The following CKAP2L variants were observed in gnomAD, a reference collection of about 807,000 sequenced individuals.
CKAP2L encodes the protein cytoskeleton associated protein 2L, also known as cytoskeleton-associated protein 2-like.
In CKAP2L, 42 loss-of-function variants were observed where a neutral mutation model predicts 65.7. That is an observed-to-expected ratio of 0.64 (90% CI 0.50 to 0.83). The LOEUF is 0.83. Ranked by LOEUF, CKAP2L falls within the 40% of genes least tolerant of loss-of-function variation. CKAP2L has a pLI of 0.00. For missense variants in CKAP2L, 908 were observed against 871.0 expected, an observed-to-expected ratio of 1.04 and a Z score of -0.53; for synonymous variants, 325 against 313.5, an observed-to-expected ratio of 1.04 and a Z score of -0.39.
rs1680558091 is a variant in CKAP2L at position 112,756,883 on chromosome 2, A to G, written c.488T>C (p.Ile163Thr). ...QLTDQGNGKC[I>T]DFMNNIHVEN... ...AACATGGATATTATTCATAAAGTCT[A>G]TACATTTACCATTTCCTTGATCTGT... Residue 163 changes from isoleucine (I) to threonine (T), a missense_variant, in exon 4 of 9, where the codon ATA becomes ACA. By Grantham distance (89) the Ile-to-Thr change is moderately conservative. Transcript: ENST00000302450. 6.2e-7 allele frequency: 1 copy of G among 1,612,884 alleles called. No individual in the cohort carries two copies.
chr2:112,762,929 G>A (rs1026287274), intron 1 of CKAP2L, among the ~76,000 whole-genome samples: 2 of 152,030 alleles, frequency 1.3e-5, no homozygotes, highest in African/African-American at 4.8e-5. Context: ...GAATACAGGC[G>A]TGTACCACCA....
At position 112,740,862 on chromosome 2, in the gene CKAP2L, C is replaced by T. The variant is rs959524198; in HGVS notation, c.1968G>A (p.Gln656=). The change falls in exon 8 of 9, where the codon CAG becomes CAA. Residue 656 remains glutamine (Q), a synonymous_variant. Transcript: ENST00000302450. ...GTAATTTGATACCAGGATAATTATG[C>T]TGTTCTGCCTTGGCTATTCGGGGTG... The part of the protein sequence containing the change: ...TATPRIAKAE[Q]HNYPGIKLQI... 7 of 1,613,458 alleles carry T rather than the reference C, an allele frequency of 4.3e-6. No individual in the cohort carries two copies. Among genetic ancestry groups the T allele is most frequent in the Admixed American group, 1.7e-5 (1 of 59,966 alleles).
chr2:112,757,299 A>T, intron 3 of CKAP2L, 85 bp from the exon 4 acceptor site: 1 of 901,072 alleles, frequency 1.1e-6, no homozygotes, highest in Middle Eastern at 3.0e-4. Context: ...AACACATGCT[A>T]AAAAAAATAA....
intron 5 of CKAP2L, among the ~76,000 whole-genome samples, chr2:112,750,891 T>C (rs996884630): frequency 4.0e-5 from 6 of 151,630 alleles, no homozygotes; most frequent in African/African-American, 1.2e-4. Flanking sequence ...CAGACATTGA[T>C]GCAAGAGAAA....
chr2:112,739,423 A>G (rs1679701585), intron 8 of CKAP2L, among the ~76,000 whole-genome samples: 1 of 152,182 alleles, frequency 6.6e-6, no homozygotes, highest in Non-Finnish European at 1.5e-5. Flanking sequence ...CCCAGTCTCA[A>G]AAAAAAGGCT....
At chr2:112,753,517 G>A (rs1680440189) in intron 4 of CKAP2L, among the ~76,000 whole-genome samples, 1 of 124,690 alleles carries the variant, frequency 8.0e-6, no homozygotes, top group African/African-American at 3.0e-5. Flanking sequence ...TATCCTTAAA[G>A]TTTCTTTTCT....
intron 3 of CKAP2L, among the ~76,000 whole-genome samples, chr2:112,757,508 A>G (rs1680582977): frequency 6.6e-6 from 1 of 150,742 alleles, no homozygotes; most frequent in Non-Finnish European, 1.5e-5. Context: ...TCCCACCCCA[A>G]CCTCGCAAGT....
At chr2:112,742,200 C>T (rs531259991) in intron 7 of CKAP2L, among the ~76,000 whole-genome samples, 4 of 152,218 alleles carry the variant, frequency 2.6e-5, no homozygotes, top group Admixed American at 6.5e-5. Context: ...TAACAAGTAT[C>T]GTAAGCAATT....
In CKAP2L at chr2:112,738,804, TA is replaced by T; in HGVS notation, c.*18del. 4 of 1,529,436 alleles carry T rather than the reference TA, an allele frequency of 2.6e-6. No homozygotes were observed. Among genetic ancestry groups the T allele is most frequent in the Non-Finnish European group, 3.6e-6 (4 of 1,104,200 alleles). 94.7% of individuals were successfully genotyped at this position (1,529,436 alleles called of 1,614,324 possible). A position where few individuals can be genotyped will look rare whatever the true frequency, so the allele number is the denominator to read the frequency against. ...TATGTTGGTTCTGAAACACCTTTTT[TA>T]AAAAAAGCATCAAGAAATTATGATT... is the stretch of plus-strand genomic sequence containing the variant. On this transcript the variant is annotated 3_prime_UTR_variant, in exon 9 of 9. Transcript: ENST00000302450.
At chr2:112,744,799 G>A (rs571162313) in intron 6 of CKAP2L, among the ~76,000 whole-genome samples, 2 of 152,290 alleles carry the variant, frequency 1.3e-5, no homozygotes, top group African/African-American at 2.4e-5. Context: ...ATCACCCTGT[G>A]TTGAAGCCCC....
At chr2:112,742,831 GAACTTT>G in intron 6 of CKAP2L, 62 bp from the exon 7 acceptor site, 2 of 1,121,524 alleles carry the variant, frequency 1.8e-6, no homozygotes, top group Non-Finnish European at 2.6e-6. Context: ...ATTTGCTAAG[GAACTTT>G]AACTTCAAAT....
chr2:112,750,668 T>C lies in CKAP2L; in HGVS notation c.1602+1599A>G, dbSNP rs544890276. Among the ~76,000 whole-genome samples, 10 of 152,324 alleles carry C rather than the reference T, an allele frequency of 6.6e-5. No homozygotes were observed. In the South Asian group the frequency reaches 2.1e-3, roughly 32 times the overall value. On this transcript the variant is annotated intron_variant, in intron 5 of 8. Transcript: ENST00000302450. ...TAAGATACTGTGTAACCAATTACATTCTTTCTGTGGTTTGTTTTTCAGACT... is the reference window on the plus strand; with the variant it reads ...TAAGATACTGTGTAACCAATTACATCCTTTCTGTGGTTTGTTTTTCAGACT...
Position 112,756,110 on chromosome 2 carries a change from T to TG in CKAP2L, c.1260dup (p.Lys421GlnfsTer22). ...TTCTGGGGAACAGCCTTTTTCAACT[T>TG]GGAGTCCAAAGTCTGTGCTTTTTGC... On this transcript the variant is annotated frameshift_variant, in exon 4 of 9. Transcript: ENST00000302450. LOFTEE classifies it high-confidence loss of function. 4 of 1,614,202 alleles carry TG rather than the reference T, an allele frequency of 2.5e-6. No homozygotes were observed. The highest frequency in any genetic ancestry group is 3.4e-6 in the Non-Finnish European group (4 of 1,180,038).
chr2:112,759,183 C>T (rs528683212), intron 3 of CKAP2L, among the ~76,000 whole-genome samples: 1 of 152,034 alleles, frequency 6.6e-6, no homozygotes, highest in Non-Finnish European at 1.5e-5. Context: ...CCATATATCC[C>T]GGTTTTCACA....
chr2:112,744,426 T>C (rs1031640947), intron 6 of CKAP2L, among the ~76,000 whole-genome samples: 1 of 152,146 alleles, frequency 6.6e-6, no homozygotes, highest in Non-Finnish European at 1.5e-5. Flanking sequence ...GAGGACTCTT[T>C]AGCATCTGTT....
At chr2:112,745,886 C>A (rs1253110672) in intron 6 of CKAP2L, among the ~76,000 whole-genome samples, 1 of 152,056 alleles carries the variant, frequency 6.6e-6, no homozygotes, top group East Asian at 1.9e-4. Flanking sequence ...TAAATCATAT[C>A]TAAAACTGAA....
chr2:112,745,458 C>CA (rs1230193230), intron 6 of CKAP2L, among the ~76,000 whole-genome samples: 10 of 151,740 alleles, frequency 6.6e-5, no homozygotes, highest in Admixed American at 3.9e-4. Flanking sequence ...CGGCTCACTG[C>CA]AAGCTCTGCC....
At chr2:112,762,365 T>C in intron 2 of CKAP2L, 138 bp downstream of exon 2, 2 of 669,272 alleles carry the variant, frequency 3.0e-6, no homozygotes, top group East Asian at 5.4e-5. Context: ...TGGACTGAAA[T>C]GCTCTTTTTG....
In CKAP2L at chr2:112,738,702, G is replaced by A. The variant is rs910765152; in HGVS notation, c.*121C>T. The A allele has an allele frequency of 1.5e-6, 1 of 662,338 alleles. No individual in the cohort carries two copies. Among genetic ancestry groups the A allele is most frequent in the Non-Finnish European group, 2.6e-6 (1 of 379,418 alleles). The allele number at this position is 662,338 out of a possible 1,614,324, so 41.0% of individuals were successfully genotyped here. On this transcript the variant is annotated 3_prime_UTR_variant, in exon 9 of 9. Coordinates refer to ENST00000302450, the MANE Select transcript of CKAP2L (RefSeq NM_152515.5). ...AGAGTAAGCCCAGTGAATTACTTAAGTCCTGAGCGTCCATAATCTGCATCC... is the reference window on the plus strand; with the variant it reads ...AGAGTAAGCCCAGTGAATTACTTAAATCCTGAGCGTCCATAATCTGCATCC...
Sources: gnomAD v4.1 joint callset for allele counts (sites outside exome capture counted in the v4.1 genomes callset) on GRCh38, gnomAD v4.1.1 for gene constraint, MANE v1.5 for transcripts, NCBI Gene and HGNC (gene_info 2026-07-23, HGNC 2026-07-21) for gene names.